Variants in SLC6A12 observed in about 807,000 individuals in gnomAD.
SLC6A12 encodes sodium- and chloride-dependent betaine transporter.
Under a neutral mutation model 73.3 loss-of-function variants are expected in SLC6A12, and 50 were observed. The ratio of observed to expected loss-of-function variants is 0.68; its 90% CI spans 0.54 to 0.86. The LOEUF (loss-of-function observed/expected upper bound fraction) is 0.86, where lower values mean the gene tolerates loss of function less well. SLC6A12 is among the 40% of genes least tolerant of loss of function. The probability of loss-of-function intolerance (pLI) is 0.00; values close to 1 mark genes in which losing one functional copy is unlikely to be tolerated. For missense variants in SLC6A12, 648 were observed against 772.8 expected (o/e 0.84, Z 1.92); for synonymous variants, 304 against 309.2 (o/e 0.98, Z 0.18).
intron 11 of SLC6A12, 51 bp from the exon 12 acceptor site, chr12:196,312 C>A: frequency 6.4e-7 from 1 of 1,573,074 alleles, no homozygotes; most frequent in South Asian, 1.2e-5. Context: ...GGGCTGTTGG[C>A]CACCAGCCCT....
chr12:191,310 A>G lies in SLC6A12; in HGVS notation c.1702-99T>C, dbSNP rs561263041. 3.1e-4 allele frequency: 327 copies of G among 1,066,602 alleles called. No individual in the cohort carries two copies. In the African/African-American group the frequency reaches 4.9e-3, roughly 16 times the overall value. 66.1% of individuals were successfully genotyped at this position (1,066,602 alleles called of 1,614,324 possible). ...CAGGGCCCAGCCCAGAGCGGAGCACATGGCCAGCACCGCACAGTATGAGTG... is the reference window on the plus strand; with the variant it reads ...CAGGGCCCAGCCCAGAGCGGAGCACGTGGCCAGCACCGCACAGTATGAGTG... On this transcript the variant is annotated intron_variant, in intron 15 of 15. Transcript: ENST00000684302.
At chr12:197,837 G>A in intron 9 of SLC6A12, 63 bp downstream of exon 9, 1 of 1,226,342 alleles carries the variant, frequency 8.2e-7, no homozygotes, top group South Asian at 1.2e-5. Context: ...ATGGGTCTTT[G>A]CCCAGAACCC....
At chr12:207,464 C>A (rs1330738824) in intron 3 of SLC6A12, among the ~76,000 whole-genome samples, 1 of 152,168 alleles carries the variant, frequency 6.6e-6, no homozygotes, top group Non-Finnish European at 1.5e-5. Context: ...ATAACCAAAG[C>A]CCTCATTAGA....
At chr12:201,654 C>T in intron 6 of SLC6A12, 108 bp downstream of exon 6, 1 of 870,876 alleles carries the variant, frequency 1.1e-6, no homozygotes, top group Non-Finnish European at 1.9e-6. Flanking sequence ...GGAGGAAGTG[C>T]TGGAAAGCAC....
At chr12:197,118 C>CCATCT (rs1939918795) in intron 10 of SLC6A12, among the ~76,000 whole-genome samples, 2 of 68,170 alleles carry the variant, frequency 2.9e-5, no homozygotes, top group African/African-American at 1.2e-4. Context: ...TCCATCCATC[C>CCATCT]ATCCATCCAT....
At chr12:205,283 C>T (rs1195421200) in intron 3 of SLC6A12, among the ~76,000 whole-genome samples, 1 of 152,028 alleles carries the variant, frequency 6.6e-6, no homozygotes, top group East Asian at 1.9e-4. Flanking sequence ...AATCTGAAGA[C>T]CACACCCAGG....
intron 2 of SLC6A12, 143 bp from the exon 3 acceptor site, chr12:210,186 C>T (rs145195423): frequency 0.011 from 12,937 of 1,226,754 alleles, 78 homozygotes; most frequent in Middle Eastern, 0.031. Flanking sequence ...AGTTCGTTCT[C>T]GTAACTGTAA....
downstream of SLC6A12, among the ~76,000 whole-genome samples, chr12:186,422 C>T (rs477676): frequency 0.029 from 4,343 of 152,304 alleles, 202 homozygotes; most frequent in African/African-American, 0.097. Context: ...CCAAAGCTTA[C>T]GGCTTAAAAC....
chr12:185,492 CTG>C (rs924895076), downstream of SLC6A12, among the ~76,000 whole-genome samples: 63 of 152,326 alleles, frequency 4.1e-4, no homozygotes, highest in African/African-American at 1.5e-3. Context: ...CAGCCACCCT[CTG>C]TGTGTTAGTG....
intron 6 of SLC6A12, 144 bp downstream of exon 6, chr12:201,618 G>A: frequency 1.5e-6 from 1 of 667,116 alleles, no homozygotes; most frequent in Non-Finnish European, 2.7e-6. Context: ...CTGCCTCAGT[G>A]ATGTGTGGGG....
chr12:199,339 T>A (rs1221974388), intron 7 of SLC6A12, among the ~76,000 whole-genome samples: 3 of 152,250 alleles, frequency 2.0e-5, no homozygotes, highest in African/African-American at 4.8e-5. Context: ...GGGCAAAGAC[T>A]AATTTAAAGT....
intron 13 of SLC6A12, 144 bp from the exon 14 acceptor site, chr12:193,521 G>T: frequency 3.3e-6 from 2 of 602,904 alleles, no homozygotes; most frequent in Non-Finnish European, 6.0e-6. Flanking sequence ...TGAGTGAGAC[G>T]CCTCCCTGAC....
chr12:201,251 G>C (rs773355535), intron 6 of SLC6A12: 6 of 199,792 alleles, frequency 3.0e-5, no homozygotes, highest in Middle Eastern at 2.1e-3. Flanking sequence ...CAGTGTGAGA[G>C]AGTACAGGCA....
chr12:192,980 C>G, intron 14 of SLC6A12: 2 of 511,494 alleles, frequency 3.9e-6, no homozygotes, highest in Non-Finnish European at 7.0e-6. Context: ...GGGAAGGGCT[C>G]AGAAGAGAAG....
At chr12:187,683 C>T (rs1939462059), downstream of SLC6A12, among the ~76,000 whole-genome samples, 1 of 145,606 alleles carries the variant, frequency 6.9e-6, no homozygotes, top group Non-Finnish European at 1.5e-5. Flanking sequence ...AGCGGGTTAC[C>T]ACTAGGGCCT....
intron 6 of SLC6A12, chr12:201,116 A>G: frequency 4.2e-6 from 1 of 235,420 alleles, no homozygotes; most frequent in South Asian, 8.1e-5. Context: ...TATCCCGTGC[A>G]GGGGCTGAGT....
downstream of SLC6A12, among the ~76,000 whole-genome samples, chr12:186,786 G>A (rs571925830): frequency 3.9e-4 from 59 of 152,254 alleles, no homozygotes; most frequent in African/African-American, 1.3e-3. Context: ...ACCCTTCTTC[G>A]GGAGAATGTC....
At chr12:201,578 C>T in intron 6 of SLC6A12, 184 bp downstream of exon 6, 1 of 594,116 alleles carries the variant, frequency 1.7e-6, no homozygotes, top group Non-Finnish European at 3.0e-6. Flanking sequence ...CTCCGTGGAC[C>T]CGTGTGGGTA....
At chr12:192,148 T>A (rs1939628648) in intron 15 of SLC6A12, among the ~76,000 whole-genome samples, 1 of 152,214 alleles carries the variant, frequency 6.6e-6, no homozygotes, top group Non-Finnish European at 1.5e-5. Flanking sequence ...TATAGTCTTG[T>A]AAACCTTCTG....
Sources: allele counts gnomAD v4.1 joint callset (sites outside exome capture counted in the v4.1 genomes callset), GRCh38; gene constraint gnomAD v4.1.1; transcripts MANE v1.5; gene names NCBI Gene and HGNC (gene_info 2026-07-23, HGNC 2026-07-21).